The following PRAG1 variants were observed in gnomAD, a reference collection of about 807,000 sequenced individuals.
PRAG1 encodes PEAK1 related, kinase-activating pseudokinase 1, also known as inactive tyrosine-protein kinase PRAG1.
PRAG1 carries 110 observed loss-of-function variants against 95.6 expected under a neutral mutation model. That is an observed-to-expected ratio of 1.15 (90% confidence interval 0.99 to 1.35). The LOEUF (loss-of-function observed/expected upper bound fraction) is 1.35. Among genes scored for constraint, PRAG1 ranks in the 40% most tolerant of loss-of-function variants. The pLI is 0.00. For synonymous variants in PRAG1, 1,052 were observed against 819.4 expected, an observed-to-expected ratio of 1.28 and a Z score of -4.85; for missense variants, 2,554 against 1,864.7, an observed-to-expected ratio of 1.37 and a Z score of -6.81.
At chr8:8,331,971 C>G (rs1018383652) in intron 4 of PRAG1, among the ~76,000 whole-genome samples, 1 of 152,074 alleles carries the variant, frequency 6.6e-6, no homozygotes, top group East Asian at 1.9e-4. Context: ...GTTTGGGGCA[C>G]CAAACTCAGT....
intron 3 of PRAG1, among the ~76,000 whole-genome samples, chr8:8,358,377 C>T (rs1414987604): frequency 2.0e-5 from 3 of 152,134 alleles, no homozygotes; most frequent in Non-Finnish European, 2.9e-5. Context: ...ATGGAGGCCT[C>T]ATTACATAGT....
At position 8,336,911 on chromosome 8, in the gene PRAG1, CCCCT is replaced by C. The variant is rs1482541733; in HGVS notation, c.2320+2563_2320+2566del. Among the ~76,000 whole-genome samples, 33 of 77,468 alleles carry C rather than the reference CCCCT, an allele frequency of 4.3e-4. No homozygotes were observed. In the Middle Eastern group the frequency reaches 0.019, roughly 45 times the overall value. The allele number at this position is 77,468 out of a possible 152,430, so 50.8% of individuals were successfully genotyped here. ...CACTCCCCTCCCCACACCCCTTTCC[CCCCT>C]CCCCCCACCTCCGACATAAAGCATG... On this transcript the variant is annotated intron_variant, in intron 4 of 5. Coordinates refer to ENST00000615670, the MANE Select transcript of PRAG1 (RefSeq NM_001080826.3).
chr8:8,336,901 A>ACCCCCTTTCCCCCCCCCCCCCCCCCCCCC (rs1312709918), intron 4 of PRAG1, among the ~76,000 whole-genome samples: 1 of 22,194 alleles, frequency 4.5e-5, no homozygotes, highest in African/African-American at 2.2e-4. Flanking sequence ...CCCTCCCCAC[A>ACCCCCTTTCCCCCCCCCCCCCCCCCCCCC]CCCCTTTCCC....
intron 5 of PRAG1, among the ~76,000 whole-genome samples, chr8:8,321,059 A>G (rs991469762): frequency 3.9e-5 from 6 of 152,256 alleles, no homozygotes; most frequent in African/African-American, 1.4e-4. Context: ...CCTAAAAGGC[A>G]TTGTTCAGGC....
intron 3 of PRAG1, among the ~76,000 whole-genome samples, chr8:8,359,753 C>T (rs997465171): frequency 1.3e-5 from 2 of 152,178 alleles, no homozygotes; most frequent in Non-Finnish European, 2.9e-5. Context: ...GTTTCCTTGA[C>T]CAGACATCTG....
chr8:8,332,105 A>C (rs1210669168), intron 4 of PRAG1, among the ~76,000 whole-genome samples: 3 of 151,948 alleles, frequency 2.0e-5, no homozygotes, highest in African/African-American at 7.3e-5. Flanking sequence ...GGTGAAATAC[A>C]GCTCCCCTGA....
chr8:8,363,058 G>T (rs957981148), intron 3 of PRAG1, among the ~76,000 whole-genome samples: 3 of 147,448 alleles, frequency 2.0e-5, no homozygotes, highest in South Asian at 2.1e-4. Flanking sequence ...TATATATATA[G>T]ATATAGATAT....
chr8:8,366,395 C>A (rs899246016), intron 3 of PRAG1, among the ~76,000 whole-genome samples: 2 of 150,320 alleles, frequency 1.3e-5, no homozygotes, highest in Admixed American at 1.3e-4. Flanking sequence ...CTCACTGCAA[C>A]CTCCAACTCC....
At chr8:8,330,382 A>G (rs1162878563) in intron 4 of PRAG1, among the ~76,000 whole-genome samples, 1 of 152,204 alleles carries the variant, frequency 6.6e-6, no homozygotes, top group Non-Finnish European at 1.5e-5. Flanking sequence ...ATGAAATTCA[A>G]GAGGGAGCAC....
intron 5 of PRAG1, among the ~76,000 whole-genome samples, chr8:8,326,325 G>A (rs1238050313): frequency 1.3e-5 from 2 of 151,048 alleles, no homozygotes; most frequent in African/African-American, 4.9e-5. Flanking sequence ...TTAAAAAATT[G>A]TTGGTAAGCA....
At chr8:8,330,733 G>T (rs1378530529) in intron 4 of PRAG1, among the ~76,000 whole-genome samples, 3 of 152,140 alleles carry the variant, frequency 2.0e-5, no homozygotes, top group African/African-American at 7.2e-5. Flanking sequence ...GCAGTCCACA[G>T]GTCTCCCCAT....
In PRAG1 at chr8:8,343,218, GACA is replaced by G. The variant is rs575183696; in HGVS notation, c.2163-3586_2163-3584del. 3.2e-4 allele frequency among the ~76,000 whole-genome samples: 48 copies of G among 148,924 alleles called. 1 individual carries two copies. In the East Asian group the frequency reaches 5.2e-3, roughly 16 times the overall value. On this transcript the variant is annotated intron_variant, in intron 3 of 5. Transcript: ENST00000615670. ...CATTTCATACCCATCAGATCAGACTGACAACGTCAGATTTTGTTAAAGATATAG... is the reference window on the plus strand; with the variant it reads ...CATTTCATACCCATCAGATCAGACTGACGTCAGATTTTGTTAAAGATATAG...
At chr8:8,348,472 C>T (rs1410302575) in intron 3 of PRAG1, among the ~76,000 whole-genome samples, 1 of 152,164 alleles carries the variant, frequency 6.6e-6, no homozygotes, top group African/African-American at 2.4e-5. Context: ...CATTCCTAGG[C>T]TTCTGGTTTA....
At chr8:8,334,270 C>G (rs56735175) in intron 4 of PRAG1, among the ~76,000 whole-genome samples, 19,911 of 152,006 alleles carry the variant, frequency 0.13, 1,496 homozygotes, top group African/African-American at 0.19. Context: ...AACCCTGTCT[C>G]TACTAAAAAT....
At chr8:8,320,386 T>C (rs1161234266) in intron 5 of PRAG1, among the ~76,000 whole-genome samples, 1 of 152,180 alleles carries the variant, frequency 6.6e-6, no homozygotes, top group Non-Finnish European at 1.5e-5. Flanking sequence ...CACACAACTC[T>C]GTCTTTCTCG....
intron 3 of PRAG1, among the ~76,000 whole-genome samples, chr8:8,354,899 A>G (rs1429703655): frequency 6.6e-6 from 1 of 152,156 alleles, no homozygotes; most frequent in East Asian, 1.9e-4. Flanking sequence ...CTTCATATTC[A>G]TCATTGTACT....
rs772990903 is a variant in PRAG1 at position 8,376,274 on chromosome 8, G to A, written c.2135C>T (p.Ser712Leu). ...PKDRSGIETF[S>L]PPPPPPKSRH... The stretch of plus-strand genomic sequence containing the variant: ...CGACTTTGGAGGCGGAGGAGGAGGT[G>A]AGAATGTCTCAATCCCACTTCTGTC... The change falls in exon 3 of 6, where the codon TCA becomes TTA. Residue 712 changes from serine (S) to leucine (L), a missense_variant. Transcript: ENST00000615670. 67 of 1,614,036 alleles carry A rather than the reference G, an allele frequency of 4.2e-5. 1 individual carries two copies. In the South Asian group the frequency reaches 7.0e-4, roughly 17 times the overall value.
At chr8:8,370,660 C>T (rs1360082338) in intron 3 of PRAG1, among the ~76,000 whole-genome samples, 1 of 152,180 alleles carries the variant, frequency 6.6e-6, no homozygotes, top group African/African-American at 2.4e-5. Context: ...ACACTGGAGA[C>T]AAACACCCAT....
rs867942327 is a variant in PRAG1 at position 8,318,568 on chromosome 8, G to T, written c.3807C>A (p.Asn1269Lys). 3 of 1,613,754 alleles carry T rather than the reference G, an allele frequency of 1.9e-6. No homozygotes were observed. Among genetic ancestry groups the T allele is most frequent in the African/African-American group, 1.3e-5 (1 of 75,014 alleles). Residue 1269 changes from asparagine (N) to lysine (K), a missense_variant, in exon 6 of 6, where the codon AAC (asparagine) becomes AAA (lysine). Transcript: ENST00000615670. This position sits in a 1 kb window ranked among gnomAD's most constrained non-coding sequence, Gnocchi z 4.2. ...ILIYELLHQP[N>K]PFEVRAQLRE... ...GCAGCTGGGCGCGCACCTCGAACGG[G>T]TTGGGTTGGTGCAGCAGCTCGTAGA...
Sources: allele counts gnomAD v4.1 joint callset (sites outside exome capture counted in the v4.1 genomes callset), GRCh38; gene constraint gnomAD v4.1.1; non-coding constraint Gnocchi (gnomAD v3.1); transcripts MANE v1.5; gene names NCBI Gene and HGNC (gene_info 2026-07-23, HGNC 2026-07-21).